The following TCERG1L variants were observed in gnomAD, a reference collection of about 807,000 sequenced individuals.
TCERG1L encodes the protein transcription elongation regulator 1-like protein.
Under a neutral mutation model 56.3 loss-of-function variants are expected in TCERG1L, and 37 were observed. The ratio of observed to expected loss-of-function variants is 0.66; its 90% CI spans 0.51 to 0.87. TCERG1L has a LOEUF of 0.87. Among genes scored for constraint, TCERG1L ranks in the 40% least tolerant of loss-of-function variants. TCERG1L has a pLI of 0.00. For missense variants in TCERG1L, 799 were observed against 774.2 expected (o/e 1.03, Z -0.38); for synonymous variants, 324 against 326.3 (o/e 0.99, Z 0.08).
At chr10:131,253,511 C>T (rs1327860300) in intron 4 of TCERG1L, among the ~76,000 whole-genome samples, 2 of 152,204 alleles carry the variant, frequency 1.3e-5, no homozygotes. Flanking sequence ...TCACTCTCTG[C>T]CTGAGCTTCC....
chr10:131,229,774 A>C (rs1845829792), intron 4 of TCERG1L, among the ~76,000 whole-genome samples: 2 of 152,166 alleles, frequency 1.3e-5, no homozygotes, highest in Admixed American at 1.3e-4. Context: ...GAGGTAAATA[A>C]AATTTTTAAA....
chr10:131,256,041 C>A (rs148200454), intron 4 of TCERG1L, among the ~76,000 whole-genome samples: 5 of 152,266 alleles, frequency 3.3e-5, no homozygotes, highest in African/African-American at 1.2e-4. Context: ...CCCGCACACG[C>A]CAGATGAGTT....
At chr10:131,161,848 G>T (rs1845980477) in intron 6 of TCERG1L, 2 of 152,382 alleles carry the variant, frequency 1.3e-5, no homozygotes, top group Non-Finnish European at 1.5e-5. Flanking sequence ...AGCACTGGGA[G>T]GGTGGCGCCG....
intron 4 of TCERG1L, among the ~76,000 whole-genome samples, chr10:131,168,263 G>A (rs1589734654): frequency 6.6e-6 from 1 of 152,192 alleles, no homozygotes; most frequent in Non-Finnish European, 1.5e-5. Flanking sequence ...CAAGACTGGG[G>A]GTCCCACTGG....
chr10:131,200,541 G>C (rs1408523206), intron 4 of TCERG1L, among the ~76,000 whole-genome samples: 1 of 152,196 alleles, frequency 6.6e-6, no homozygotes. Flanking sequence ...TTTATCCTAT[G>C]TGTGTTCCAC....
chr10:131,280,097 A>G (rs1455437563), intron 3 of TCERG1L, among the ~76,000 whole-genome samples: 2 of 152,234 alleles, frequency 1.3e-5, no homozygotes, highest in Non-Finnish European at 2.9e-5. Context: ...ACATGTGCCC[A>G]GGGTGGTCAG....
intron 7 of TCERG1L, among the ~76,000 whole-genome samples, chr10:131,144,499 G>C (rs533182703): frequency 2.0e-5 from 3 of 152,104 alleles, no homozygotes; most frequent in Non-Finnish European, 4.4e-5. Flanking sequence ...TCGGGAATGG[G>C]AAGTTGTTCT....
At chr10:131,246,471 C>G (rs1367685523) in intron 4 of TCERG1L, among the ~76,000 whole-genome samples, 2 of 152,096 alleles carry the variant, frequency 1.3e-5, no homozygotes, top group Non-Finnish European at 2.9e-5. Context: ...CCCCACATGA[C>G]TGGGACAGCA....
intron 11 of TCERG1L, among the ~76,000 whole-genome samples, chr10:131,094,709 T>A (rs866095991): frequency 6.6e-6 from 1 of 151,842 alleles, no homozygotes; most frequent in African/African-American, 2.4e-5. Flanking sequence ...TTTCTCCCGG[T>A]TCCTTTCTTC....
At chr10:131,140,832 G>A (rs1034953463) in intron 7 of TCERG1L, among the ~76,000 whole-genome samples, 2 of 152,180 alleles carry the variant, frequency 1.3e-5, no homozygotes, top group African/African-American at 4.8e-5. Flanking sequence ...CCTGTGGGCT[G>A]AGCTCCTGCC....
chr10:131,191,117 C>T (rs976685692), intron 4 of TCERG1L, among the ~76,000 whole-genome samples: 3 of 143,834 alleles, frequency 2.1e-5, no homozygotes, highest in Non-Finnish European at 4.6e-5. Flanking sequence ...TTTTTCACAA[C>T]AGCTGCAAAA....
rs866351932 is a variant in TCERG1L, at chr10:131,219,085, C to T, written c.856+41174G>A. 2.6e-5 allele frequency among the ~76,000 whole-genome samples: 4 copies of T among 152,152 alleles called. No individual in the cohort carries two copies. In the South Asian group the frequency reaches 8.3e-4, roughly 32 times the overall value. On this transcript the variant is annotated intron_variant, in intron 4 of 11. Transcript: ENST00000368642. ...GCATGGCTCTGCCAGCAGCTCCAGC[C>T]TCCAGGACTCCTCTCCGTCCTGGCT... is the stretch of plus-strand genomic sequence containing the variant.
intron 3 of TCERG1L, among the ~76,000 whole-genome samples, chr10:131,305,351 G>A (rs552065777): frequency 6.6e-6 from 1 of 152,050 alleles, no homozygotes; most frequent in African/African-American, 2.4e-5. Flanking sequence ...TTAAAGCTTA[G>A]ATAGCTTTTC....
chr10:131,176,321 G>C (rs8181460), intron 4 of TCERG1L, among the ~76,000 whole-genome samples: 145,101 of 149,952 alleles, frequency 0.97, 70,307 homozygotes, highest in Non-Finnish European at 1. Context: ...CATGCACACA[G>C]AGACACGTGT....
chr10:131,220,011 C>T (rs1268262914), intron 4 of TCERG1L, among the ~76,000 whole-genome samples: 1 of 152,146 alleles, frequency 6.6e-6, no homozygotes, highest in Admixed American at 6.5e-5. Context: ...ACGAGCCCAA[C>T]AACAAAAGAG....
chr10:131,138,745 T>C (rs1158741029), intron 7 of TCERG1L, among the ~76,000 whole-genome samples: 1 of 152,156 alleles, frequency 6.6e-6, no homozygotes, highest in Non-Finnish European at 1.5e-5. Flanking sequence ...AAAAGAGTTG[T>C]AGAAATAGGT....
At chr10:131,132,915 C>G (rs1223076071) in intron 8 of TCERG1L, among the ~76,000 whole-genome samples, 2 of 152,230 alleles carry the variant, frequency 1.3e-5, no homozygotes, top group African/African-American at 4.8e-5. Flanking sequence ...CACATAGTGG[C>G]TCACAGGCTT....
chr10:131,149,731 C>T (rs562259824), intron 6 of TCERG1L, among the ~76,000 whole-genome samples: 4 of 152,316 alleles, frequency 2.6e-5, no homozygotes, highest in East Asian at 1.9e-4. Context: ...TTTACTACTG[C>T]GACATTGGGC....
At chr10:131,139,960 C>G (rs1845717656) in intron 7 of TCERG1L, among the ~76,000 whole-genome samples, 1 of 152,108 alleles carries the variant, frequency 6.6e-6, no homozygotes, top group African/African-American at 2.4e-5. Context: ...TCCTGAGTCT[C>G]TGAGTCAAAT....
Sources: allele counts gnomAD v4.1 joint callset (sites outside exome capture counted in the v4.1 genomes callset), GRCh38; gene constraint gnomAD v4.1.1; transcripts MANE v1.5; gene names NCBI Gene and HGNC (gene_info 2026-07-23, HGNC 2026-07-21).